The following KIF6 variants were observed in gnomAD, a reference collection of about 807,000 sequenced individuals.
KIF6 encodes kinesin-like protein KIF6.
A neutral mutation model predicts 112.7 loss-of-function variants in KIF6; 106 were observed. The ratio of observed to expected loss-of-function variants is 0.94; its 90% CI spans 0.80 to 1.11. The LOEUF is 1.11. Ranked by LOEUF, KIF6 falls within the 50% of genes least tolerant of loss-of-function variation. KIF6 has a pLI of 0.00. For missense variants in KIF6, 929 were observed against 964.0 expected (o/e 0.96, Z 0.48); for synonymous variants, 339 against 339.9 (o/e 1.00, Z 0.03).
intron 15 of KIF6, among the ~76,000 whole-genome samples, chr6:39,418,312 G>A (rs1244828321): frequency 1.3e-5 from 2 of 152,188 alleles, no homozygotes; most frequent in East Asian, 1.9e-4. Flanking sequence ...ATGACCTTAC[G>A]GACCCCTTCT....
rs771915258 is a variant in KIF6 at position 39,334,441 on chromosome 6, G to A, written c.*2091C>T. The stretch of plus-strand genomic sequence containing the variant: ...ACAAAAAATTTAAAACGAGCTAGGT[G>A]TGGTGGTGCATGCCTGTAGTTCCAG... On this transcript the variant is annotated 3_prime_UTR_variant, in exon 23 of 23. Transcript: ENST00000287152. 1.3e-5 allele frequency: 2 copies of A among 152,308 alleles called. No homozygotes were observed. The highest frequency in any genetic ancestry group is 6.5e-5 in the Admixed American group (1 of 15,278). 9.4% of individuals were successfully genotyped at this position (152,308 alleles called of 1,614,324 possible). A position where few individuals can be genotyped will look rare whatever the true frequency, so the allele number is the denominator to read the frequency against.
At chr6:39,473,893 CT>C (rs1352331108) in intron 13 of KIF6, among the ~76,000 whole-genome samples, 1 of 152,106 alleles carries the variant, frequency 6.6e-6, no homozygotes, top group African/African-American at 2.4e-5. Context: ...CAGGACACAT[CT>C]TTTTCAATGA....
At chr6:39,694,371 G>T (rs1389792623) in intron 3 of KIF6, among the ~76,000 whole-genome samples, 1 of 152,084 alleles carries the variant, frequency 6.6e-6, no homozygotes, top group Non-Finnish European at 1.5e-5. Flanking sequence ...AAAAGAAGAA[G>T]TCAAATTATT....
chr6:39,566,208 G>C (rs1350469346), intron 10 of KIF6, among the ~76,000 whole-genome samples: 1 of 152,034 alleles, frequency 6.6e-6, no homozygotes. Context: ...TTTCCTGTCT[G>C]TCTGTATCTT....
intron 12 of KIF6, among the ~76,000 whole-genome samples, chr6:39,543,058 T>C (rs1226497476): frequency 6.6e-6 from 1 of 152,232 alleles, no homozygotes; most frequent in African/African-American, 2.4e-5. Flanking sequence ...GATATCTCTC[T>C]TTCACTCTCT....
At chr6:39,502,049 A>C (rs1776161976) in intron 13 of KIF6, among the ~76,000 whole-genome samples, 1 of 152,184 alleles carries the variant, frequency 6.6e-6, no homozygotes, top group South Asian at 2.1e-4. Flanking sequence ...TCCAAGGTTG[A>C]AATGAAAAAA....
chr6:39,527,031 T>C (rs1401717520), intron 13 of KIF6, among the ~76,000 whole-genome samples: 2 of 152,254 alleles, frequency 1.3e-5, no homozygotes, highest in Non-Finnish European at 2.9e-5. Flanking sequence ...CTCCTTGAGC[T>C]TTTCTTTTAA....
At chr6:39,583,730 C>T (rs1276852344) in intron 9 of KIF6, among the ~76,000 whole-genome samples, 1 of 115,148 alleles carries the variant, frequency 8.7e-6, no homozygotes, top group Non-Finnish European at 1.7e-5. Context: ...ATTACTAAGC[C>T]CCTACCAGCT....
intron 14 of KIF6, 91 bp from the exon 15 acceptor site, chr6:39,420,094 T>C (rs1433774350): frequency 2.4e-6 from 2 of 842,860 alleles, no homozygotes; most frequent in Non-Finnish European, 3.9e-6. Context: ...CACTAAAATA[T>C]GATGAAACTT....
At chr6:39,400,800 A>C (rs771352246) in intron 15 of KIF6, among the ~76,000 whole-genome samples, 2 of 152,220 alleles carry the variant, frequency 1.3e-5, no homozygotes, top group Non-Finnish European at 2.9e-5. Flanking sequence ...ATCAATGAAG[A>C]GTGAATGTGT....
intron 6 of KIF6, among the ~76,000 whole-genome samples, chr6:39,602,365 G>A (rs1782627489): frequency 6.6e-6 from 1 of 152,072 alleles, no homozygotes; most frequent in Non-Finnish European, 1.5e-5. Flanking sequence ...CTTATCTCCA[G>A]TGTAGCAAAA....
At chr6:39,393,407 T>G (rs966398883) in intron 15 of KIF6, among the ~76,000 whole-genome samples, 1 of 152,142 alleles carries the variant, frequency 6.6e-6, no homozygotes, top group Non-Finnish European at 1.5e-5. Flanking sequence ...ATAACAGCAT[T>G]TGTGCTGTGA....
At chr6:39,571,555 C>G (rs1420613688) in intron 10 of KIF6, among the ~76,000 whole-genome samples, 1 of 152,092 alleles carries the variant, frequency 6.6e-6, no homozygotes, top group Non-Finnish European at 1.5e-5. Flanking sequence ...TTTGTTTATT[C>G]CCATATTTCC....
intron 14 of KIF6, 67 bp from the exon 15 acceptor site, chr6:39,420,070 GATTTCT>G (rs1770242018): frequency 1.8e-6 from 2 of 1,141,132 alleles, no homozygotes; most frequent in East Asian, 4.7e-5. Flanking sequence ...AAAAATAATA[GATTTCT>G]TAGAGGTCAC....
intron 22 of KIF6, among the ~76,000 whole-genome samples, chr6:39,340,255 A>G (rs16891961): frequency 0.39 from 59,971 of 152,094 alleles, 13,949 homozygotes; most frequent in African/African-American, 0.66. Flanking sequence ...TGAGCTGTGG[A>G]AGTTTTGTTT....
intron 21 of KIF6, among the ~76,000 whole-genome samples, chr6:39,344,628 C>G (rs886126327): frequency 5.9e-5 from 9 of 152,106 alleles, no homozygotes; most frequent in Non-Finnish European, 1.2e-4. Flanking sequence ...CCTTCTCTAT[C>G]CTCTTACCAC....
rs543067276 is a variant in KIF6 at position 39,357,301 on chromosome 6, C to T, written c.2156G>A (p.Trp719Ter). 3.0e-5 allele frequency: 48 copies of T among 1,613,476 alleles called. No individual in the cohort carries two copies. Among genetic ancestry groups the T allele is most frequent in the Non-Finnish European group, 3.9e-5 (46 of 1,179,516 alleles). Residue 719 changes from tryptophan to a stop codon, truncating the protein, a stop_gained, in exon 19 of 23, where the codon TGG becomes TAG. Transcript: ENST00000287152. LOFTEE classifies it high-confidence loss of function. ...FLQTSDSQHE[W>*]SQLLSNKSSG... ...CCTTTTGTTAGAGAGGAGTTGGGAC[C>T]ATTCATGCTGGGAGTCAGATGTCTG...
intron 5 of KIF6, 95 bp from the exon 6 acceptor site, chr6:39,613,413 C>A: frequency 2.2e-6 from 2 of 894,092 alleles, no homozygotes; most frequent in South Asian, 2.8e-5. Flanking sequence ...TATAGTATGA[C>A]GTCTTGAACT....
intron 22 of KIF6, among the ~76,000 whole-genome samples, chr6:39,337,503 G>A (rs1332426445): frequency 2.0e-5 from 3 of 151,808 alleles, no homozygotes. Context: ...ACTAGAGATG[G>A]GGTTTCACCA....
Sources: allele counts gnomAD v4.1 joint callset (sites outside exome capture counted in the v4.1 genomes callset), GRCh38; gene constraint gnomAD v4.1.1; transcripts MANE v1.5; gene names NCBI Gene and HGNC (gene_info 2026-07-23, HGNC 2026-07-21).